Variants in VRK2 observed in about 807,000 individuals in gnomAD.
VRK2 encodes the protein serine/threonine-protein kinase VRK2.
In VRK2, 60 loss-of-function variants were observed where a neutral mutation model predicts 57.6. That is an observed-to-expected ratio of 1.04 (90% CI 0.85 to 1.29). VRK2 has a LOEUF of 1.29. Among genes scored for constraint, VRK2 ranks in the 50% most tolerant of loss-of-function variants. The pLI is 0.00. For synonymous variants in VRK2, 231 were observed against 199.2 expected (o/e 1.16, Z -1.35); for missense variants, 705 against 588.1 (o/e 1.20, Z -2.06).
chr2:57,964,610 G>A (rs748494593), intron 1 of VRK2, among the ~76,000 whole-genome samples: 5 of 152,136 alleles, frequency 3.3e-5, no homozygotes, highest in Non-Finnish European at 7.4e-5. Flanking sequence ...TAGGCCAGGC[G>A]CGGTGGCTCA....
intron 4 of VRK2, among the ~76,000 whole-genome samples, chr2:58,085,930 C>CTTT (rs59333442): frequency 8.6e-6 from 1 of 116,872 alleles, no homozygotes; most frequent in Non-Finnish European, 1.9e-5. Flanking sequence ...CTTTTTTTTT[C>CTTT]TTTTTTTTTT....
chr2:58,000,853 CA>C (rs1673068428), intron 1 of VRK2, among the ~76,000 whole-genome samples: 1 of 152,170 alleles, frequency 6.6e-6, no homozygotes, highest in Non-Finnish European at 1.5e-5. Flanking sequence ...AGTAATAATA[CA>C]AATAGAAATT....
intron 7 of VRK2, among the ~76,000 whole-genome samples, chr2:58,116,361 G>A (rs547751573): frequency 2.9e-4 from 44 of 150,174 alleles, no homozygotes; most frequent in African/African-American, 8.4e-4. Context: ...AATAGTCAGG[G>A]AAGCAGATAA....
At chr2:58,155,917 G>GTTTTTTTTTTTTTTTTTTTTT (rs1395049481) in intron 12 of VRK2, among the ~76,000 whole-genome samples, 1 of 134,390 alleles carries the variant, frequency 7.4e-6, no homozygotes, top group Non-Finnish European at 1.6e-5. Flanking sequence ...TGTTTTTCAT[G>GTTTTTTTTTTTTTTTTTTTTT]TTTGTTTTTT....
At chr2:57,924,839 T>C (rs894757806) in intron 1 of VRK2, among the ~76,000 whole-genome samples, 17 of 152,006 alleles carry the variant, frequency 1.1e-4, no homozygotes, top group Non-Finnish European at 2.2e-4. Flanking sequence ...TAACTGTGGG[T>C]CTGTCATATA....
intron 1 of VRK2, among the ~76,000 whole-genome samples, chr2:58,009,460 A>G (rs1056473247): frequency 1.3e-5 from 2 of 151,154 alleles, no homozygotes; most frequent in African/African-American, 2.4e-5. Flanking sequence ...TGCAATCTGT[A>G]TAGTAAATTT....
chr2:57,913,700 G>T (rs1436847818), intron 1 of VRK2, among the ~76,000 whole-genome samples: 1 of 151,794 alleles, frequency 6.6e-6, no homozygotes, highest in Non-Finnish European at 1.5e-5. Flanking sequence ...AATAATATTA[G>T]GATATTTTCA....
chr2:58,000,011 C>T (rs780654778), intron 1 of VRK2, among the ~76,000 whole-genome samples: 17 of 150,698 alleles, frequency 1.1e-4, no homozygotes, highest in African/African-American at 3.6e-4. Context: ...CATGCACACA[C>T]GCACACACGC....
chr2:58,118,190 G>T (rs1364682992), intron 7 of VRK2, among the ~76,000 whole-genome samples: 1 of 152,216 alleles, frequency 6.6e-6, no homozygotes, highest in Non-Finnish European at 1.5e-5. Flanking sequence ...AAGGGGTAGA[G>T]ACAAGGAGAG....
intron 1 of VRK2, among the ~76,000 whole-genome samples, chr2:57,922,419 C>T (rs1157792199): frequency 5.7e-5 from 5 of 87,238 alleles, no homozygotes; most frequent in South Asian, 3.4e-4. Flanking sequence ...ACCACAATCA[C>T]GCTAACATAA....
At chr2:58,136,713 G>T (rs1205616662) in intron 10 of VRK2, among the ~76,000 whole-genome samples, 1 of 149,846 alleles carries the variant, frequency 6.7e-6, no homozygotes, top group Non-Finnish European at 1.5e-5. Context: ...AAGTTGTATA[G>T]TTCATCTTTT....
intron 1 of VRK2, among the ~76,000 whole-genome samples, chr2:57,957,064 T>C (rs1403544924): frequency 1.3e-5 from 2 of 152,002 alleles, no homozygotes; most frequent in Non-Finnish European, 2.9e-5. Context: ...CAAGACTCAA[T>C]AGAGGAGGTG....
chr2:58,097,606 C>T (rs1409471044), intron 7 of VRK2, among the ~76,000 whole-genome samples: 1 of 152,028 alleles, frequency 6.6e-6, no homozygotes, highest in Non-Finnish European at 1.5e-5. Flanking sequence ...TTTTAGTCAG[C>T]AACGGACCAC....
chr2:58,090,146 A>G (rs910171982), intron 7 of VRK2, among the ~76,000 whole-genome samples: 1 of 152,146 alleles, frequency 6.6e-6, no homozygotes, highest in South Asian at 2.1e-4. Flanking sequence ...CTGTAATCCC[A>G]GCACTTTGAG....
At chr2:57,926,026 T>C (rs1374888018) in intron 1 of VRK2, among the ~76,000 whole-genome samples, 1 of 152,046 alleles carries the variant, frequency 6.6e-6, no homozygotes, top group Non-Finnish European at 1.5e-5. Flanking sequence ...TTTCCATGTG[T>C]TTTTATAGTT....
intron 1 of VRK2, among the ~76,000 whole-genome samples, chr2:57,950,563 G>A (rs1191536868): frequency 1.3e-5 from 2 of 152,126 alleles, no homozygotes; most frequent in Non-Finnish European, 2.9e-5. Context: ...AATCCACCTT[G>A]TCACCCAAGA....
rs183028533 is a variant in VRK2, at chr2:58,146,485, T to G, written c.1182+11T>G. 3 of 1,598,562 alleles carry G rather than the reference T, an allele frequency of 1.9e-6. No individual in the cohort carries two copies. The highest frequency in any genetic ancestry group is 1.7e-5 in the Admixed American group (1 of 57,552). On this transcript the variant is annotated intron_variant, in intron 12 of 12. Transcript: ENST00000340157. ...AATGAAGCAGCTCAGGTGAGAGGGT[T>G]GTTTGTGTGTGTTTTTTCTAACTTA...
At chr2:58,154,965 T>C (rs978304959) in intron 12 of VRK2, among the ~76,000 whole-genome samples, 1 of 152,204 alleles carries the variant, frequency 6.6e-6, no homozygotes, top group African/African-American at 2.4e-5. Flanking sequence ...AAGATTTTTT[T>C]TTCAGTTATT....
rs560997369 is a variant in VRK2 at position 58,002,011 on chromosome 2, T to C, written c.-438-23654T>C. Among the ~76,000 whole-genome samples, 8 of 152,262 alleles carry C rather than the reference T, an allele frequency of 5.3e-5. No homozygotes were observed. The East Asian group carries it at 1.2e-3, about 22-fold the overall frequency. On this transcript the variant is annotated intron_variant, in intron 1 of 15. Coordinates refer to the VRK2 transcript ENST00000417641. ...CTGTCAGATTACAAATTACAAAGAA[T>C]CTAAATAATGGTTGAATTCCTACCG... is the stretch of plus-strand genomic sequence containing the variant.
Sources: allele counts gnomAD v4.1 joint callset (sites outside exome capture counted in the v4.1 genomes callset), GRCh38; gene constraint gnomAD v4.1.1; transcripts MANE v1.5; gene names NCBI Gene and HGNC (gene_info 2026-07-23, HGNC 2026-07-21).